KANK1: variants seen among roughly 807,000 people sequenced by gnomAD.
KANK1 encodes the protein KN motif and ankyrin repeat domain-containing protein 1.
In KANK1, 109 loss-of-function variants were observed where a neutral mutation model predicts 106.2. The observed-to-expected ratio is 1.03, with a 90% CI of 0.88 to 1.20. The LOEUF is 1.20. Among genes scored for constraint, KANK1 ranks in the 50% most tolerant of loss-of-function variants. KANK1 has a pLI of 0.00. For synonymous variants in KANK1, 873 were observed against 652.2 expected (o/e 1.34, Z -5.16); for missense variants, 2,399 against 1,710.7 (o/e 1.40, Z -7.10).
chr9:536,020 A>G (rs1375349437), intron 1 of KANK1, among the ~76,000 whole-genome samples: 4 of 152,134 alleles, frequency 2.6e-5, no homozygotes, highest in Non-Finnish European at 5.9e-5. Flanking sequence ...TTCCTGCTGT[A>G]ATAAAACCCA....
chr9:485,636 GC>G (rs1041386186), intron 3 of KANK1, among the ~76,000 whole-genome samples: 5 of 152,120 alleles, frequency 3.3e-5, no homozygotes, highest in Admixed American at 6.5e-5. Context: ...ACTTTGAGAG[GC>G]CGAGGCGGGC....
chr9:513,763 G>A (rs1380014914), intron 1 of KANK1, among the ~76,000 whole-genome samples: 1 of 152,158 alleles, frequency 6.6e-6, no homozygotes, highest in Non-Finnish European at 1.5e-5. Flanking sequence ...TAGAACAAAA[G>A]TAGATACTTT....
chr9:531,202 G>A (rs1412924875), intron 1 of KANK1, among the ~76,000 whole-genome samples: 1 of 152,120 alleles, frequency 6.6e-6, no homozygotes, highest in East Asian at 1.9e-4. Flanking sequence ...ACTTTGGGAA[G>A]CCCATGCAGG....
chr9:599,925 A>G (rs907679819), intron 1 of KANK1, among the ~76,000 whole-genome samples: 2 of 151,816 alleles, frequency 1.3e-5, no homozygotes, highest in African/African-American at 4.9e-5. Flanking sequence ...GGTGTTTTAT[A>G]GTATAAATAA....
At chr9:538,864 A>G (rs2060440176) in intron 1 of KANK1, among the ~76,000 whole-genome samples, 1 of 152,100 alleles carries the variant, frequency 6.6e-6, no homozygotes. Context: ...TTTGTTTGAA[A>G]ATTTTCCAGC....
chr9:736,575 C>A (rs1429943935), intron 7 of KANK1, among the ~76,000 whole-genome samples: 2 of 152,120 alleles, frequency 1.3e-5, no homozygotes, highest in South Asian at 4.1e-4. Flanking sequence ...GGCATGTACC[C>A]ATGGTCCTAG....
At chr9:551,171 C>G (rs187555428) in intron 1 of KANK1, among the ~76,000 whole-genome samples, 2 of 151,606 alleles carry the variant, frequency 1.3e-5, no homozygotes, top group African/African-American at 2.4e-5. Flanking sequence ...CAGCTCTCCC[C>G]CTCTGTTGCC....
intron 3 of KANK1, among the ~76,000 whole-genome samples, chr9:496,243 G>T (rs927489099): frequency 7.9e-5 from 12 of 152,114 alleles, no homozygotes; most frequent in African/African-American, 2.9e-4. Flanking sequence ...CTCTCAATAA[G>T]AATTATTGAT....
chr9:625,489 T>C (rs967220816), intron 1 of KANK1, among the ~76,000 whole-genome samples: 1 of 152,156 alleles, frequency 6.6e-6, no homozygotes, highest in African/African-American at 2.4e-5. Flanking sequence ...TTCTTTTCTC[T>C]TAATCTACAG....
intron 1 of KANK1, among the ~76,000 whole-genome samples, chr9:653,103 G>A (rs1841292078): frequency 6.6e-6 from 1 of 152,172 alleles, no homozygotes; most frequent in Non-Finnish European, 1.5e-5. Context: ...AGCAACGTCA[G>A]CTCAAGGAAG....
chr9:570,256 C>A (rs1289560751), intron 1 of KANK1, among the ~76,000 whole-genome samples: 1 of 152,144 alleles, frequency 6.6e-6, no homozygotes, highest in East Asian at 1.9e-4. Context: ...AATTTTAAAT[C>A]CGTAGCTGTA....
chr9:535,163 C>CT (rs970184793), intron 1 of KANK1, among the ~76,000 whole-genome samples: 17 of 152,282 alleles, frequency 1.1e-4, no homozygotes, highest in African/African-American at 3.6e-4. Context: ...ACGCAGCCTC[C>CT]TTTTTTTCTT....
intron 1 of KANK1, among the ~76,000 whole-genome samples, chr9:614,790 A>C (rs1369161788): frequency 6.6e-6 from 1 of 152,120 alleles, no homozygotes; most frequent in Non-Finnish European, 1.5e-5. Flanking sequence ...CTTTTAAAGA[A>C]ATGTATATAA....
At chr9:707,172 A>AGGCC in intron 2 of KANK1, 1 of 985,668 alleles carries the variant, frequency 1.0e-6, no homozygotes, top group Non-Finnish European at 1.2e-6. Context: ...AGGGCGCCCG[A>AGGCC]GGCCGGGTCC....
At chr9:546,448 C>G (rs1587693091) in intron 1 of KANK1, among the ~76,000 whole-genome samples, 1 of 151,994 alleles carries the variant, frequency 6.6e-6, no homozygotes, top group East Asian at 1.9e-4. Flanking sequence ...GTCTGTGACC[C>G]TTTCAGGCTC....
intron 2 of KANK1, among the ~76,000 whole-genome samples, chr9:704,418 T>C (rs945718502): frequency 6.6e-6 from 1 of 152,202 alleles, no homozygotes; most frequent in African/African-American, 2.4e-5. Flanking sequence ...GGCAGCAGGA[T>C]GGAGGAAGGC....
chr9:693,385 A>T lies in KANK1; in HGVS notation c.37+16376A>T, dbSNP rs374571743. ...AAGAGGGAGTAAGTCAGCACAAACA[A>T]TGAGGAAACATTTGCTGCCTTTCTG... On this transcript the variant is annotated intron_variant, in intron 2 of 11. Coordinates refer to ENST00000382297, the MANE Select transcript of KANK1 (RefSeq NM_015158.5). 6 of 985,052 alleles carry T rather than the reference A, an allele frequency of 6.1e-6. No individual in the cohort carries two copies. The African/African-American group carries it at 8.8e-5, about 14-fold the overall frequency. 61.0% of individuals were successfully genotyped at this position (985,052 alleles called of 1,614,324 possible).
At chr9:571,616 GA>G (rs1329308378) in intron 1 of KANK1, among the ~76,000 whole-genome samples, 7 of 151,788 alleles carry the variant, frequency 4.6e-5, no homozygotes, top group Non-Finnish European at 8.8e-5. Flanking sequence ...ACGTGACTAA[GA>G]TAACTGTCTC....
At chr9:558,740 G>A (rs565970845) in intron 1 of KANK1, 45 of 152,028 alleles carry the variant, frequency 3.0e-4, no homozygotes, top group African/African-American at 9.9e-4. Flanking sequence ...TTTGTTAATA[G>A]TATAAGGGCT....
Sources: allele counts gnomAD v4.1 joint callset (sites outside exome capture counted in the v4.1 genomes callset), GRCh38; gene constraint gnomAD v4.1.1; transcripts MANE v1.5; gene names NCBI Gene and HGNC (gene_info 2026-07-23, HGNC 2026-07-21).